PTCHD1: variants seen among roughly 807,000 people sequenced by gnomAD.
PTCHD1 encodes patched domain-containing protein 1.
Under a neutral mutation model 34.6 loss-of-function variants are expected in PTCHD1, and 3 were observed. That is an observed-to-expected ratio of 0.09 (90% CI 0.04 to 0.22). The LOEUF is 0.22. Among genes scored for constraint, PTCHD1 ranks in the 10% least tolerant of loss-of-function variants. The pLI is 1.00. For missense variants in PTCHD1, 504 were observed against 685.5 expected (o/e 0.74, Z 2.96); for synonymous variants, 305 against 283.1 (o/e 1.08, Z -0.77).
rs779079770 is a variant in PTCHD1 at position 23,380,291 on chromosome X, T to C, written c.1012+40T>C. On this transcript the variant is annotated intron_variant, in intron 2 of 2. Transcript: ENST00000379361. The stretch of plus-strand genomic sequence containing the variant: ...TCTTTCTTCTGTTTCCGCCTGCTGG[T>C]GGTGTTGACTAGGTTCCTAAAAGGC... 31 of 1,138,301 alleles carry C rather than the reference T, an allele frequency of 2.7e-5. No individual in the cohort carries two copies. The East Asian group carries it at 8.7e-4, about 32-fold the overall frequency. 93.8% of individuals were successfully genotyped at this position (1,138,301 alleles called of 1,213,427 possible).
At chrX:23,374,781 G>T (rs1332870655) in intron 1 of PTCHD1, among the ~76,000 whole-genome samples, 1 of 111,784 alleles carries the variant, frequency 8.9e-6, no homozygotes, top group Non-Finnish European at 1.9e-5. Flanking sequence ...CCTGGTGTCT[G>T]ATTATGTAGT....
At position 23,355,308 on chromosome X, in the gene PTCHD1, T is replaced by A. The variant is rs781621858; in HGVS notation, c.351+20082T>A. Among the ~76,000 whole-genome samples the A allele has an allele frequency of 2.7e-5, 3 of 112,041 alleles. No individual in the cohort carries two copies. The South Asian group carries it at 1.1e-3, about 42-fold the overall frequency. ...TCTGCCTGATAAAAACAATCAGAGG[T>A]TTCCCTACTGAGAGTTGCTTGCCGC... On this transcript the variant is annotated intron_variant, in intron 1 of 2. Transcript: ENST00000379361.
chrX:23,360,195 T>C (rs970576782), intron 1 of PTCHD1, among the ~76,000 whole-genome samples: 2 of 112,072 alleles, frequency 1.8e-5, no homozygotes, highest in Non-Finnish European at 3.8e-5. Context: ...CTCTTTTTCA[T>C]TGACTGGAAT....
At chrX:23,392,379 C>T (rs1922860994) in intron 2 of PTCHD1, 152 bp from the exon 3 acceptor site, 1 of 495,531 alleles carries the variant, frequency 2.0e-6, no homozygotes, top group East Asian at 3.6e-5. Context: ...GGTCTATCTC[C>T]GCATAGGAGA....
At chrX:23,362,791 G>C (rs1922024776) in intron 1 of PTCHD1, among the ~76,000 whole-genome samples, 1 of 111,954 alleles carries the variant, frequency 8.9e-6, no homozygotes, top group South Asian at 3.7e-4. Flanking sequence ...TTTGATGTTG[G>C]TGACCTACAG....
Position 23,402,101 on chromosome X carries a change from C to T in PTCHD1, c.*7916C>T, listed in dbSNP as rs953805757. On this transcript the variant is annotated 3_prime_UTR_variant, in exon 3 of 3. Coordinates refer to ENST00000379361, the MANE Select transcript of PTCHD1 (RefSeq NM_173495.3). ...GGTGATCCCTCCAAATTGCCAACTC[C>T]TCGTCTTAGGAAGAAGTGGGCAGTT... is the stretch of plus-strand genomic sequence containing the variant. 8.9e-6 allele frequency: 1 copy of T among 111,926 alleles called. No homozygotes were observed. Among genetic ancestry groups the T allele is most frequent in the Non-Finnish European group, 1.9e-5 (1 of 53,188 alleles). The allele number at this position is 111,926 out of a possible 1,213,427, so 9.2% of individuals were successfully genotyped here.
At chrX:23,346,664 G>A (rs1221225629) in intron 1 of PTCHD1, among the ~76,000 whole-genome samples, 1 of 112,170 alleles carries the variant, frequency 8.9e-6, no homozygotes, top group Non-Finnish European at 1.9e-5. Flanking sequence ...AATGCCAAGG[G>A]TTAGTTGGTG....
At chrX:23,380,357 T>C (rs1465791500) in intron 2 of PTCHD1, 106 bp downstream of exon 2, 1 of 809,113 alleles carries the variant, frequency 1.2e-6, no homozygotes. Flanking sequence ...TTTAACAGTA[T>C]CTTCATTTTG....
chrX:23,378,300 C>A (rs1421707451), intron 1 of PTCHD1, among the ~76,000 whole-genome samples: 1 of 111,748 alleles, frequency 8.9e-6, no homozygotes, highest in African/African-American at 3.3e-5. Context: ...CCTCCCTGAG[C>A]CCCAGTTTTC....
At chrX:23,352,332 G>C (rs1921660679) in intron 1 of PTCHD1, among the ~76,000 whole-genome samples, 1 of 111,865 alleles carries the variant, frequency 8.9e-6, no homozygotes, top group South Asian at 3.8e-4. Context: ...GAAGAGGCTA[G>C]GTCCTAATGT....
At chrX:23,361,656 G>A (rs1231376784) in intron 1 of PTCHD1, among the ~76,000 whole-genome samples, 1 of 111,727 alleles carries the variant, frequency 9.0e-6, no homozygotes, top group African/African-American at 3.3e-5. Flanking sequence ...TACATTTAAG[G>A]TTAATATTGT....
At position 23,393,231 on chromosome X, in the gene PTCHD1, C is replaced by G; in HGVS notation, c.1713C>G (p.Val571=). ...CTATAGAATACTGGAACACTAGTGT[C>G]CAAGAAGATGTTCTAGAATACACCA... The part of the protein sequence containing the change: ...YESIEYWNTS[V]QEDVLEYTKG... The change falls in exon 3 of 3, where the codon GTC becomes GTG. Residue 571 remains valine (V), a synonymous_variant. Coordinates refer to ENST00000379361, the MANE Select transcript of PTCHD1 (RefSeq NM_173495.3). 1.7e-6 allele frequency: 2 copies of G among 1,206,710 alleles called. No individual in the cohort carries two copies. The highest frequency in any genetic ancestry group is 2.2e-6 in the Non-Finnish European group (2 of 891,031).
In PTCHD1 at chrX:23,402,507, A is replaced by T. The variant is rs1182857615; in HGVS notation, c.*8322A>T. The T allele has an allele frequency of 8.9e-6, 1 of 112,238 alleles. No homozygotes were observed. The highest frequency in any genetic ancestry group is 1.9e-5 in the Non-Finnish European group (1 of 53,251). 9.2% of individuals were successfully genotyped at this position (112,238 alleles called of 1,213,427 possible). A position where few individuals can be genotyped will look rare whatever the true frequency, so the allele number is the denominator to read the frequency against. ...TAATGTAAATTGTTCTGGATTGTCTATAAGATAAAGATACAGAGCCTGAAT... is the reference window on the plus strand; with the variant it reads ...TAATGTAAATTGTTCTGGATTGTCTTTAAGATAAAGATACAGAGCCTGAAT... On this transcript the variant is annotated 3_prime_UTR_variant, in exon 3 of 3. Transcript: ENST00000379361.
intron 1 of PTCHD1, among the ~76,000 whole-genome samples, chrX:23,361,585 C>G (rs765695972): frequency 9.0e-6 from 1 of 111,498 alleles, no homozygotes; most frequent in African/African-American, 3.3e-5. Context: ...CACACTGATG[C>G]GCCTTGAGTC....
In PTCHD1 at chrX:23,393,366, C is replaced by A; in HGVS notation, c.1848C>A (p.Ser616=). The change falls in exon 3 of 3, where the codon TCC becomes TCA. Residue 616 remains serine (S), a synonymous_variant. Transcript: ENST00000379361. ...KKNFTDMLRN[S]FLKAPQFSHF... The stretch of plus-strand genomic sequence containing the variant: ...ATTTCACAGACATGTTGAGGAATTC[C>A]TTTCTGAAAGCCCCTCAATTTTCAC... 8.3e-7 allele frequency: 1 copy of A among 1,209,759 alleles called. No homozygotes were observed. The highest frequency in any genetic ancestry group is 1.1e-6 in the Non-Finnish European group (1 of 893,573).
intron 1 of PTCHD1, among the ~76,000 whole-genome samples, chrX:23,357,554 C>G (rs987479929): frequency 3.6e-5 from 4 of 111,362 alleles, no homozygotes; most frequent in Non-Finnish European, 7.5e-5. Flanking sequence ...CTGGCTCCTA[C>G]TGACTCCTGA....
chrX:23,382,776 G>T (rs1286642187), intron 2 of PTCHD1, among the ~76,000 whole-genome samples: 1 of 112,424 alleles, frequency 8.9e-6, no homozygotes, highest in African/African-American at 3.2e-5. Flanking sequence ...TACATTCTCA[G>T]CCCAAAGAGT....
At chrX:23,336,463 C>T (rs1921172228) in intron 1 of PTCHD1, among the ~76,000 whole-genome samples, 1 of 111,427 alleles carries the variant, frequency 9.0e-6, no homozygotes, top group Non-Finnish European at 1.9e-5. Context: ...GCCGGGAAAC[C>T]TGGGGAACTC....
intron 1 of PTCHD1, among the ~76,000 whole-genome samples, chrX:23,357,629 G>A (rs1463690521): frequency 1.8e-5 from 2 of 110,075 alleles, no homozygotes; most frequent in Non-Finnish European, 3.8e-5. Context: ...GGCCATGGTG[G>A]GGTATTTACC....
Sources: allele counts gnomAD v4.1 joint callset (sites outside exome capture counted in the v4.1 genomes callset), GRCh38; gene constraint gnomAD v4.1.1; transcripts MANE v1.5; gene names NCBI Gene and HGNC (gene_info 2026-07-23, HGNC 2026-07-21).